GABBR2: variants seen among roughly 807,000 people sequenced by gnomAD.
The protein encoded by GABBR2 is G-protein coupled receptor 51.
GABBR2 carries 23 observed loss-of-function variants against 105.6 expected under a neutral mutation model. The observed-to-expected ratio is 0.22, with a 90% confidence interval of 0.16 to 0.31. The LOEUF is 0.31. Among genes scored for constraint, GABBR2 ranks in the 10% least tolerant of loss-of-function variants. The probability of loss-of-function intolerance (pLI) is 1.00; values close to 1 mark genes in which losing one functional copy is unlikely to be tolerated. For missense variants in GABBR2, 734 were observed against 1,245.5 expected, an observed-to-expected ratio of 0.59 and a Z score of 6.18; for synonymous variants, 478 against 499.7, an observed-to-expected ratio of 0.96 and a Z score of 0.58.
At chr9:98,659,526 CTTTTTTTTTT>C (rs149511264) in intron 1 of GABBR2, among the ~76,000 whole-genome samples, 28 of 35,204 alleles carry the variant, frequency 8.0e-4, no homozygotes, top group African/African-American at 2.5e-3. Flanking sequence ...CTTTTCTTTT[CTTTTTTTTTT>C]TTTTTGACTG....
intron 2 of GABBR2, among the ~76,000 whole-genome samples, chr9:98,557,565 G>A (rs1227128464): frequency 6.6e-6 from 1 of 152,132 alleles, no homozygotes; most frequent in Non-Finnish European, 1.5e-5. Context: ...CCCAGCACTG[G>A]AGGTATTCAA....
intron 1 of GABBR2, among the ~76,000 whole-genome samples, chr9:98,608,383 C>T (rs1299383051): frequency 6.6e-6 from 1 of 152,042 alleles, no homozygotes; most frequent in African/African-American, 2.4e-5. Flanking sequence ...TTTTATTAAA[C>T]AGATTATCTT....
chr9:98,639,767 ACTGCCAG>A (rs1273450020), intron 1 of GABBR2, among the ~76,000 whole-genome samples: 13 of 151,646 alleles, frequency 8.6e-5, no homozygotes, highest in Admixed American at 8.5e-4. Context: ...CTGCATTGTC[ACTGCCAG>A]CTGCCAGCTC....
intron 7 of GABBR2, among the ~76,000 whole-genome samples, chr9:98,409,995 A>C (rs1377045135): frequency 6.6e-6 from 1 of 152,190 alleles, no homozygotes; most frequent in Admixed American, 6.5e-5. Context: ...GGAGCTGAGC[A>C]ACAGGGCATG....
intron 12 of GABBR2, among the ~76,000 whole-genome samples, chr9:98,366,841 C>T (rs1004084943): frequency 6.6e-6 from 1 of 152,166 alleles, no homozygotes; most frequent in African/African-American, 2.4e-5. Context: ...TACAACAGAA[C>T]CCAGTCATAT....
intron 12 of GABBR2, among the ~76,000 whole-genome samples, chr9:98,363,735 G>A (rs1028284981): frequency 5.9e-5 from 9 of 152,084 alleles, no homozygotes; most frequent in African/African-American, 2.2e-4. Flanking sequence ...ATAAAAAGAA[G>A]AAATATAACT....
At chr9:98,612,874 A>G in intron 1 of GABBR2, among the ~76,000 whole-genome samples, 1 of 152,202 alleles carries the variant, frequency 6.6e-6, no homozygotes, top group Admixed American at 6.5e-5. Flanking sequence ...CCAGAGCCAC[A>G]ATCAATGCAA....
At chr9:98,331,752 A>G (rs531828124) in intron 13 of GABBR2, among the ~76,000 whole-genome samples, 1 of 152,174 alleles carries the variant, frequency 6.6e-6, no homozygotes, top group African/African-American at 2.4e-5. Context: ...TGTGCGAGCC[A>G]GTGAGTGTGG....
intron 3 of GABBR2, among the ~76,000 whole-genome samples, chr9:98,539,928 A>G (rs1031328081): frequency 8.6e-5 from 13 of 151,716 alleles, no homozygotes; most frequent in African/African-American, 1.2e-4. Context: ...AAAAAAAAAA[A>G]AAAAGAAAAA....
At chr9:98,658,503 A>G (rs1830213039) in intron 1 of GABBR2, among the ~76,000 whole-genome samples, 1 of 152,134 alleles carries the variant, frequency 6.6e-6, no homozygotes, top group Admixed American at 6.5e-5. Flanking sequence ...GACATGCCCT[A>G]TATCAGTCTC....
At chr9:98,429,331 G>A (rs1340897379) in intron 7 of GABBR2, among the ~76,000 whole-genome samples, 4 of 151,992 alleles carry the variant, frequency 2.6e-5, no homozygotes, top group African/African-American at 4.8e-5. Context: ...GTAGAGGACC[G>A]GGTTTCACCA....
At chr9:98,477,340 A>C (rs1235720796) in intron 5 of GABBR2, among the ~76,000 whole-genome samples, 1 of 152,228 alleles carries the variant, frequency 6.6e-6, no homozygotes, top group Non-Finnish European at 1.5e-5. Flanking sequence ...TCTGGGCTCC[A>C]GCAATCCTCC....
chr9:98,420,956 C>T (rs1832772312), intron 7 of GABBR2, among the ~76,000 whole-genome samples: 1 of 152,092 alleles, frequency 6.6e-6, no homozygotes, highest in Non-Finnish European at 1.5e-5. Context: ...GAATGGAAAG[C>T]GGAGATCTCT....
intron 13 of GABBR2, among the ~76,000 whole-genome samples, chr9:98,362,232 T>C (rs1299801272): frequency 6.6e-6 from 1 of 152,232 alleles, no homozygotes; most frequent in African/African-American, 2.4e-5. Flanking sequence ...ACTAAAAATA[T>C]ATTTAACAGT....
chr9:98,684,171 A>T (rs1338840268), intron 1 of GABBR2, among the ~76,000 whole-genome samples: 21 of 141,518 alleles, frequency 1.5e-4, no homozygotes, highest in African/African-American at 2.1e-4. Context: ...TACCACGGTA[A>T]AAAAAAAAAA....
chr9:98,447,000 A>T (rs1826141018), intron 7 of GABBR2, among the ~76,000 whole-genome samples: 1 of 151,586 alleles, frequency 6.6e-6, no homozygotes, highest in Non-Finnish European at 1.5e-5. Context: ...TTATTTCTGG[A>T]TGGAGTTCCC....
chr9:98,446,869 T>C (rs1168579421), intron 7 of GABBR2, among the ~76,000 whole-genome samples: 1 of 152,080 alleles, frequency 6.6e-6, no homozygotes, highest in African/African-American at 2.4e-5. Context: ...AGTTCTCCAG[T>C]GACAGCCTTG....
intron 2 of GABBR2, among the ~76,000 whole-genome samples, chr9:98,567,912 T>C (rs1489044048): frequency 1.3e-5 from 2 of 152,220 alleles, no homozygotes; most frequent in Non-Finnish European, 2.9e-5. Context: ...GGATTTGCAC[T>C]GCTTCAGGAG....
intron 7 of GABBR2, among the ~76,000 whole-genome samples, chr9:98,418,738 C>T (rs762934355): frequency 6.6e-6 from 1 of 152,174 alleles, no homozygotes; most frequent in Non-Finnish European, 1.5e-5. Flanking sequence ...AGGGTGATGC[C>T]TACAGAGTTG....
Sources: gnomAD v4.1 joint callset for allele counts (sites outside exome capture counted in the v4.1 genomes callset) on GRCh38, gnomAD v4.1.1 for gene constraint, MANE v1.5 for transcripts, NCBI Gene and HGNC (gene_info 2026-07-23, HGNC 2026-07-21) for gene names.